SYN2: variants seen among roughly 807,000 people sequenced by gnomAD.
SYN2 encodes the protein synapsin II.
In SYN2, 19 loss-of-function variants were observed where a neutral mutation model predicts 50.9. The ratio of observed to expected loss-of-function variants is 0.37; its 90% CI spans 0.26 to 0.55. The LOEUF (loss-of-function observed/expected upper bound fraction) is 0.55. Ranked by LOEUF, SYN2 falls within the 20% of genes least tolerant of loss-of-function variation. SYN2 has a pLI of 0.81. For missense variants in SYN2, 587 were observed against 576.4 expected (o/e 1.02, Z -0.19); for synonymous variants, 255 against 224.9 (o/e 1.13, Z -1.20).
chr3:12,173,439 C>A (rs1272303071), intron 10 of SYN2, among the ~76,000 whole-genome samples: 1 of 152,198 alleles, frequency 6.6e-6, no homozygotes, highest in East Asian at 1.9e-4. Context: ...CACTTGTGAC[C>A]TAGATTCCAT....
chr3:12,022,481 C>T (rs1396929353), intron 1 of SYN2, among the ~76,000 whole-genome samples: 2 of 152,110 alleles, frequency 1.3e-5, no homozygotes, highest in Non-Finnish European at 2.9e-5. Flanking sequence ...GATCTCGGCT[C>T]ACTGCAACCT....
intron 1 of SYN2, among the ~76,000 whole-genome samples, chr3:12,114,672 C>A (rs1696391402): frequency 6.6e-6 from 1 of 152,090 alleles, no homozygotes; most frequent in Non-Finnish European, 1.5e-5. Flanking sequence ...CAACTCTCAA[C>A]TTCACCATAT....
intron 1 of SYN2, among the ~76,000 whole-genome samples, chr3:12,115,630 A>G (rs1234096148): frequency 1.3e-5 from 2 of 152,186 alleles, no homozygotes; most frequent in Non-Finnish European, 2.9e-5. Flanking sequence ...AAGGTGTGCA[A>G]GGGACCCAGA....
At position 12,143,506 on chromosome 3, in the gene SYN2, A is replaced by C. The variant is rs866067043; in HGVS notation, c.527+1510A>C. On this transcript the variant is annotated intron_variant, in intron 3 of 12. Transcript: ENST00000621198. ...ATCTTTATGTCTATGTGTACCCATTATTTGGCTCCCACTTATAAGTGACAA... is the reference window on the plus strand; with the variant it reads ...ATCTTTATGTCTATGTGTACCCATTCTTTGGCTCCCACTTATAAGTGACAA... Among the ~76,000 whole-genome samples the C allele has an allele frequency of 2.0e-5, 3 of 151,942 alleles. No individual in the cohort carries two copies. In the South Asian group the frequency reaches 6.2e-4, roughly 32 times the overall value.
Position 12,093,430 on chromosome 3 carries a change from C to T in SYN2, c.378-47221C>T, listed in dbSNP as rs76478729. 1.6e-4 allele frequency among the ~76,000 whole-genome samples: 25 copies of T among 152,200 alleles called. No homozygotes were observed. In the East Asian group the frequency reaches 4.4e-3, roughly 27 times the overall value. ...TGTGATATTATTCTCAAAGTACTCCCGGGCATGTGAGTTATTTTTGTCTCC... is the reference window on the plus strand; with the variant it reads ...TGTGATATTATTCTCAAAGTACTCCTGGGCATGTGAGTTATTTTTGTCTCC... On this transcript the variant is annotated intron_variant, in intron 1 of 12. Transcript: ENST00000621198.
intron 10 of SYN2, among the ~76,000 whole-genome samples, 164 bp from the exon 11 acceptor site, chr3:12,183,148 C>G (rs1698260406): frequency 6.6e-6 from 1 of 152,246 alleles, no homozygotes; most frequent in South Asian, 2.1e-4. Context: ...TGAGGGTCCC[C>G]TTTAAAGTGT....
chr3:12,116,884 G>A (rs1696444147), intron 1 of SYN2, among the ~76,000 whole-genome samples: 1 of 152,094 alleles, frequency 6.6e-6, no homozygotes, highest in African/African-American at 2.4e-5. Flanking sequence ...ACGAGTAGGT[G>A]GGACTACAGG....
chr3:12,081,438 C>T (rs1695585712), intron 1 of SYN2, among the ~76,000 whole-genome samples: 1 of 151,820 alleles, frequency 6.6e-6, no homozygotes, highest in Admixed American at 6.6e-5. Context: ...TTAGATTGCT[C>T]ATTTTAGATA....
intron 5 of SYN2, chr3:12,153,527 G>A (rs1340979729): frequency 2.5e-6 from 4 of 1,613,472 alleles, no homozygotes; most frequent in East Asian, 2.2e-5. Flanking sequence ...AGGGCTGAAC[G>A]ATGTCAACAA....
At position 12,120,060 on chromosome 3, in the gene SYN2, A is replaced by T. The variant is rs1696519898; in HGVS notation, c.378-20591A>T. ...CTATATATAAAGCTGGTTAAAAAAA[A>T]AATGGAGCTCCTTTGGTTGAAATGA... On this transcript the variant is annotated intron_variant, in intron 1 of 12. Transcript: ENST00000621198. Among the ~76,000 whole-genome samples the T allele has an allele frequency of 2.6e-5, 4 of 152,330 alleles. No individual in the cohort carries two copies. The South Asian group carries it at 8.3e-4, about 32-fold the overall frequency.
chr3:12,180,010 G>A lies in SYN2; in HGVS notation c.1309-3302G>A, dbSNP rs376716530. On this transcript the variant is annotated intron_variant, in intron 10 of 12. Transcript: ENST00000621198. ...GTTGCCTAGGCTGGAATGCAGTGGC[G>A]TGATCCTGGCTCACTGCAGCATCCA... is the stretch of plus-strand genomic sequence containing the variant. Among the ~76,000 whole-genome samples, 6 of 152,228 alleles carry A rather than the reference G, an allele frequency of 3.9e-5. No homozygotes were observed. In the East Asian group the frequency reaches 5.8e-4, roughly 15 times the overall value.
intron 1 of SYN2, among the ~76,000 whole-genome samples, chr3:12,114,006 A>G (rs554682513): frequency 6.6e-6 from 1 of 152,258 alleles, no homozygotes; most frequent in Non-Finnish European, 1.5e-5. Flanking sequence ...AGAAACTACC[A>G]GACTGTTCTC....
At chr3:12,109,968 G>A (rs1696278472) in intron 1 of SYN2, among the ~76,000 whole-genome samples, 1 of 152,102 alleles carries the variant, frequency 6.6e-6, no homozygotes, top group South Asian at 2.1e-4. Context: ...TGGGAGGATC[G>A]CTTGAGCCTG....
At chr3:12,016,587 TG>T in intron 1 of SYN2, among the ~76,000 whole-genome samples, 1 of 152,210 alleles carries the variant, frequency 6.6e-6, no homozygotes, top group Non-Finnish European at 1.5e-5. Flanking sequence ...CCAGGCGTGG[TG>T]GCTCACGCCT....
intron 2 of SYN2, among the ~76,000 whole-genome samples, chr3:12,141,357 TACTG>T (rs1012380625): frequency 1.3e-5 from 2 of 152,218 alleles, no homozygotes; most frequent in Non-Finnish European, 1.5e-5. Context: ...TGTTATGACT[TACTG>T]ACTGTTTTCA....
At chr3:12,075,502 A>G (rs1356521525) in intron 1 of SYN2, among the ~76,000 whole-genome samples, 1 of 152,130 alleles carries the variant, frequency 6.6e-6, no homozygotes, top group Non-Finnish European at 1.5e-5. Context: ...TAATAAAAGG[A>G]TGCCTTGCTA....
intron 1 of SYN2, among the ~76,000 whole-genome samples, chr3:12,015,775 A>G (rs1443002537): frequency 6.6e-6 from 1 of 152,178 alleles, no homozygotes; most frequent in Non-Finnish European, 1.5e-5. Context: ...CAGCCTAGGC[A>G]TTAAACTGCC....
In SYN2 at chr3:12,190,708, T is replaced by G. The variant is rs310765; in HGVS notation, c.*83T>G. 0.91 allele frequency: 1,421,674 copies of G among 1,556,918 alleles called. 649,754 individuals carry two copies. The highest frequency in any genetic ancestry group is 1 in the East Asian group (44,118 of 44,128). On this transcript the variant is annotated 3_prime_UTR_variant, in exon 13 of 13. Transcript: ENST00000621198. ...AACAACAGTCAGCCAGCTTGGTGGT[T>G]ATGTCCCATGACCTTGACGTGTGTG...
intron 1 of SYN2, among the ~76,000 whole-genome samples, chr3:12,012,487 A>C (rs1693931892): frequency 6.6e-6 from 1 of 152,200 alleles, no homozygotes; most frequent in South Asian, 2.1e-4. Flanking sequence ...ATTCTTCCCT[A>C]ACACGTAGTT....
Sources: allele counts gnomAD v4.1 joint callset (sites outside exome capture counted in the v4.1 genomes callset), GRCh38; gene constraint gnomAD v4.1.1; transcripts MANE v1.5; gene names NCBI Gene and HGNC (gene_info 2026-07-23, HGNC 2026-07-21).